Variants in TUBAL3 observed in about 807,000 individuals in gnomAD.
TUBAL3 encodes tubulin alpha chain-like 3.
TUBAL3 carries 16 observed loss-of-function variants against 15.5 expected under a neutral mutation model. The ratio of observed to expected loss-of-function variants is 1.04; its 90% CI spans 0.70 to 1.57. TUBAL3 has a LOEUF of 1.57. Ranked by LOEUF, TUBAL3 falls within the 40% of genes most tolerant of loss-of-function variation. The pLI is 0.00. For missense variants in TUBAL3, 609 were observed against 576.2 expected, an observed-to-expected ratio of 1.06 and a Z score of -0.58; for synonymous variants, 238 against 224.3, an observed-to-expected ratio of 1.06 and a Z score of -0.55.
chr10:5,401,813 A>T lies in TUBAL3; in HGVS notation c.4-726T>A, dbSNP rs1831858280. Reference sequence around the variant, plus strand: ...GATATAAACAAACAAATTACAAAAGAAAGACTCTAAAATGCAAGGATGTAG... The same window carrying T: ...GATATAAACAAACAAATTACAAAAGTAAGACTCTAAAATGCAAGGATGTAG... On this transcript the variant is annotated intron_variant, in intron 1 of 3. Transcript: ENST00000380419. Among the ~76,000 whole-genome samples the T allele has an allele frequency of 3.3e-5, 5 of 152,284 alleles. No individual in the cohort carries two copies. In the South Asian group the frequency reaches 1.0e-3, roughly 32 times the overall value.
intron 2 of TUBAL3, among the ~76,000 whole-genome samples, chr10:5,399,549 C>T (rs193229067): frequency 4.6e-5 from 7 of 152,276 alleles, no homozygotes; most frequent in Non-Finnish European, 1.0e-4. Context: ...TCTAAGCCAC[C>T]GGGTCCATGG....
At chr10:5,402,196 A>G (rs2119149200) in intron 1 of TUBAL3, among the ~76,000 whole-genome samples, 1 of 152,300 alleles carries the variant, frequency 6.6e-6, no homozygotes, top group African/African-American at 2.4e-5. Flanking sequence ...TTCCACCTTC[A>G]TATTCCCCCA....
In TUBAL3 at chr10:5,395,370, C is replaced by A; in HGVS notation, c.353G>T (p.Gly118Val). Residue 118 changes from glycine (G) to valine (V), a missense_variant, in exon 3 of 4, where the codon GGG (glycine) becomes GTG (valine). Physicochemically the swap from Gly to Val is moderately radical, Grantham distance 109. Transcript: ENST00000380419. This position sits in a 1 kb window ranked among gnomAD's most constrained non-coding sequence, Gnocchi z 4.6. ...NNYARGRYSV[G>V]SEVIDLVLER... ...CAGCACAAGGTCGATGACCTCCGAC[C>A]CCACAGAGTAACGGCCTCGCGCGTA... The A allele has an allele frequency of 6.2e-7, 1 of 1,603,570 alleles. No individual in the cohort carries two copies. Among genetic ancestry groups the A allele is most frequent in the Non-Finnish European group, 8.5e-7 (1 of 1,173,656 alleles).
rs74115622 is a variant in TUBAL3 at position 5,400,205 on chromosome 10, G to A, written c.247+639C>T. On this transcript the variant is annotated intron_variant, in intron 2 of 3. Coordinates refer to ENST00000380419, the MANE Select transcript of TUBAL3 (RefSeq NM_024803.3). ...ATTCTACTCTTTTTAAGCAGCTATC[G>A]AAAAACTTTTTGATTCTTTGCCAGT... Among the ~76,000 whole-genome samples, 651 of 152,116 alleles carry A rather than the reference G, an allele frequency of 4.3e-3. 5 individuals carry two copies. Among genetic ancestry groups the A allele is most frequent in the African/African-American group, 0.014 (585 of 41,480 alleles).
chr10:5,394,493 G>C lies in TUBAL3; in HGVS notation c.397-32C>G, dbSNP rs781980304. ...AAAGTAAATGAGATGTGAGAATTCA[G>C]CTGAATAAATCCAGAAGCAGTGAAT... On this transcript the variant is annotated intron_variant, in intron 3 of 3. Coordinates refer to ENST00000380419, the MANE Select transcript of TUBAL3 (RefSeq NM_024803.3). This position sits in a 1 kb window ranked among gnomAD's most constrained non-coding sequence, Gnocchi z 4.3. 1.9e-6 allele frequency: 3 copies of C among 1,545,926 alleles called. No individual in the cohort carries two copies. In the Admixed American group the frequency reaches 5.9e-5, roughly 30 times the overall value.
chr10:5,400,997 G>C lies in TUBAL3; in HGVS notation c.94C>G (p.Pro32Ala), dbSNP rs1554814601. 1 of 1,614,186 alleles carries C rather than the reference G, an allele frequency of 6.2e-7. No individual in the cohort carries two copies. Among genetic ancestry groups the C allele is most frequent in the Non-Finnish European group, 8.5e-7 (1 of 1,180,024 alleles). ...TGAGTGTCAAGAACAACGCCATTTG[G>C]CTGGATTCCATGTTCCAGGCAATAG... is the stretch of plus-strand genomic sequence containing the variant. ...ELYCLEHGIQ[P>A]NGVVLDTQQD... The change falls in exon 2 of 4, where the codon CCA becomes GCA. Residue 32 changes from proline (P) to alanine (A), a missense_variant. Pro to Ala is a conservative substitution (Grantham distance 27). Coordinates refer to ENST00000380419, the MANE Select transcript of TUBAL3 (RefSeq NM_024803.3).
chr10:5,401,618 T>C (rs1461607548), intron 1 of TUBAL3, among the ~76,000 whole-genome samples: 1 of 152,136 alleles, frequency 6.6e-6, no homozygotes, highest in East Asian at 1.9e-4. Context: ...TGAATAAGGA[T>C]GGATATACTA....
intron 2 of TUBAL3, among the ~76,000 whole-genome samples, chr10:5,398,484 A>C (rs1217420851): frequency 6.6e-6 from 1 of 151,468 alleles, no homozygotes; most frequent in Non-Finnish European, 1.5e-5. Flanking sequence ...CTGTAGTCCA[A>C]GCTACTCAGG....
Position 5,393,362 on chromosome 10 carries a change from T to C in TUBAL3, c.*155A>G, listed in dbSNP as rs1554813665. 1 of 642,502 alleles carries C rather than the reference T, an allele frequency of 1.6e-6. No homozygotes were observed. The highest frequency in any genetic ancestry group is 2.7e-5 in the East Asian group (1 of 36,534). 39.8% of individuals were successfully genotyped at this position (642,502 alleles called of 1,614,324 possible). A position where few individuals can be genotyped will look rare whatever the true frequency, so the allele number is the denominator to read the frequency against. ...CAGGAAATAATGTGTTCATTGTTGG[T>C]ACTGACCCACTTAATTTAGTGTGGA... is the stretch of plus-strand genomic sequence containing the variant. On this transcript the variant is annotated 3_prime_UTR_variant, in exon 4 of 4. Coordinates refer to ENST00000380419, the MANE Select transcript of TUBAL3 (RefSeq NM_024803.3).
At chr10:5,401,416 T>C (rs1831849471) in intron 1 of TUBAL3, among the ~76,000 whole-genome samples, 1 of 140,612 alleles carries the variant, frequency 7.1e-6, no homozygotes, top group African/African-American at 2.7e-5. Context: ...CTTTATTCTT[T>C]CAATATAGGT....
rs1831846103 is a variant in TUBAL3 at position 5,401,140 on chromosome 10, A to T, written c.4-53T>A. On this transcript the variant is annotated intron_variant, in intron 1 of 3. Coordinates refer to ENST00000380419, the MANE Select transcript of TUBAL3 (RefSeq NM_024803.3). The stretch of plus-strand genomic sequence containing the variant: ...TGAGCAGGTGTTTAGAAAACAGGAG[A>T]TCTGTTACTCAGCCCTTCTGGTTAC... The T allele has an allele frequency of 1.9e-6, 3 of 1,599,600 alleles. No homozygotes were observed. The Admixed American group carries it at 5.0e-5, about 27-fold the overall frequency.
rs547017711 is a variant in TUBAL3, at chr10:5,394,802, C to T, written c.397-341G>A. Among the ~76,000 whole-genome samples, 125 of 152,320 alleles carry T rather than the reference C, an allele frequency of 8.2e-4. No homozygotes were observed. The highest frequency in any genetic ancestry group is 9.1e-4 in the Non-Finnish European group (62 of 68,034). On this transcript the variant is annotated intron_variant, in intron 3 of 3. Transcript: ENST00000380419. This position sits in a 1 kb window ranked among gnomAD's most constrained non-coding sequence, Gnocchi z 4.3. ...CTGAAGCAAAATAACATTCCCCCCA[C>T]GTCTATGCTCCATCTGGCATGCTGG...
At chr10:5,399,551 G>A (rs1268563406) in intron 2 of TUBAL3, among the ~76,000 whole-genome samples, 2 of 152,112 alleles carry the variant, frequency 1.3e-5, no homozygotes, top group Non-Finnish European at 2.9e-5. Flanking sequence ...TAAGCCACCG[G>A]GTCCATGGTG....
chr10:5,401,981 C>T (rs1176726008), intron 1 of TUBAL3, among the ~76,000 whole-genome samples: 1 of 151,292 alleles, frequency 6.6e-6, no homozygotes, highest in African/African-American at 2.4e-5. Flanking sequence ...TAAACGTTTT[C>T]CCAAAAAAAA....
At chr10:5,401,702 T>C (rs1400189653) in intron 1 of TUBAL3, among the ~76,000 whole-genome samples, 1 of 151,934 alleles carries the variant, frequency 6.6e-6, no homozygotes, top group African/African-American at 2.4e-5. Flanking sequence ...AAAAGTTTTA[T>C]AACAAACATA....
rs918408743 is a variant in TUBAL3, at chr10:5,393,441, C to A, written c.*76G>T. 2 of 1,327,068 alleles carry A rather than the reference C, an allele frequency of 1.5e-6. No individual in the cohort carries two copies. Among genetic ancestry groups the A allele is most frequent in the Non-Finnish European group, 2.1e-6 (2 of 970,056 alleles). The allele number at this position is 1,327,068 out of a possible 1,614,324, so 82.2% of individuals were successfully genotyped here. On this transcript the variant is annotated 3_prime_UTR_variant, in exon 4 of 4. Coordinates refer to ENST00000380419, the MANE Select transcript of TUBAL3 (RefSeq NM_024803.3). Reference sequence around the variant, plus strand: ...TTTTTCTGCTCATCAGGGGAACTACCCACTAGGCATATAACGGCTTGAAAA... The same window carrying A: ...TTTTTCTGCTCATCAGGGGAACTACACACTAGGCATATAACGGCTTGAAAA...
At chr10:5,404,535 C>T (rs1554814899) in intron 1 of TUBAL3, among the ~76,000 whole-genome samples, 1 of 152,148 alleles carries the variant, frequency 6.6e-6, no homozygotes, top group African/African-American at 2.4e-5. Context: ...TGCTTCAGTG[C>T]TTCAATTAAT....
intron 1 of TUBAL3, among the ~76,000 whole-genome samples, chr10:5,402,675 G>T (rs1284497404): frequency 6.6e-6 from 1 of 152,228 alleles, no homozygotes; most frequent in Non-Finnish European, 1.5e-5. Context: ...GCAGGTGAGT[G>T]AGCATTACTG....
rs199864080 is a variant in TUBAL3 at position 5,404,775 on chromosome 10, C to T, written c.3+15G>A. The T allele has an allele frequency of 5.6e-6, 9 of 1,613,400 alleles. No homozygotes were observed. Among genetic ancestry groups the T allele is most frequent in the Non-Finnish European group, 6.8e-6 (8 of 1,179,572 alleles). On this transcript the variant is annotated intron_variant, in intron 1 of 3. Coordinates refer to ENST00000380419, the MANE Select transcript of TUBAL3 (RefSeq NM_024803.3). ...AAAATTTCCTACAACAATGCATAGG[C>T]GTGTAGTCACTTACCATGCTGATGA...
Sources: allele counts gnomAD v4.1 joint callset (sites outside exome capture counted in the v4.1 genomes callset), GRCh38; gene constraint gnomAD v4.1.1; non-coding constraint Gnocchi (gnomAD v3.1); transcripts MANE v1.5; gene names NCBI Gene and HGNC (gene_info 2026-07-23, HGNC 2026-07-21).